Variants in FKBP14 observed in about 807,000 individuals in gnomAD.
The protein encoded by FKBP14 is peptidyl-prolyl cis-trans isomerase FKBP14.
A neutral mutation model predicts 21.6 loss-of-function variants in FKBP14; 20 were observed. The ratio of observed to expected loss-of-function variants is 0.92; its 90% confidence interval spans 0.65 to 1.34. The LOEUF (loss-of-function observed/expected upper bound fraction) is 1.34, where lower values mean the gene tolerates loss of function less well. Ranked by LOEUF, FKBP14 falls within the 40% of genes most tolerant of loss-of-function variation. The pLI, the probability that FKBP14 is intolerant of heterozygous loss-of-function variation, is 0.00. For synonymous variants in FKBP14, 79 were observed against 86.7 expected (o/e 0.91, Z 0.49); for missense variants, 253 against 249.0 (o/e 1.02, Z -0.11).
intron 3 of FKBP14, among the ~76,000 whole-genome samples, chr7:30,015,904 C>T (rs541054511): frequency 4.6e-5 from 7 of 152,080 alleles, no homozygotes; most frequent in Non-Finnish European, 8.8e-5. Context: ...GGATTACAGG[C>T]GTGAGCCACC....
rs745601975 is a variant in FKBP14 at position 30,026,332 on chromosome 7, G to C, written c.177C>G (p.Asp59Glu). Residue 59 changes from aspartate (D) to glutamate (E), a missense_variant, in exon 1 of 4, where the codon GAC (aspartate) becomes GAG (glutamate). By Grantham distance (45) the Asp-to-Glu change is conservative (BLOSUM62 2). Coordinates refer to ENST00000222803, the MANE Select transcript of FKBP14 (RefSeq NM_017946.4). ...LVHYEGYLEK[D>E]GSLFHSTHKH... ...CTTACGTGGAGTGAAATAAGGAGCC[G>C]TCCTTTTCTAAGTAGCCTTCATAGT... 6.2e-7 allele frequency: 1 copy of C among 1,610,932 alleles called. No homozygotes were observed. Among genetic ancestry groups the C allele is most frequent in the Non-Finnish European group, 8.5e-7 (1 of 1,178,328 alleles).
At chr7:30,022,622 C>A in intron 2 of FKBP14, 43 bp downstream of exon 2, 1 of 1,559,728 alleles carries the variant, frequency 6.4e-7, no homozygotes, top group Non-Finnish European at 8.6e-7. Flanking sequence ...ATCCAGAGAA[C>A]AACTCTAGTG....
intron 3 of FKBP14, among the ~76,000 whole-genome samples, chr7:30,017,176 C>CAAA (rs773478588): frequency 7.2e-5 from 8 of 111,392 alleles, no homozygotes; most frequent in Middle Eastern, 4.5e-3. Context: ...CTCATCTCTA[C>CAAA]AAAAAAAAAA....
At chr7:30,016,456 C>G (rs185845610) in intron 3 of FKBP14, among the ~76,000 whole-genome samples, 1 of 151,854 alleles carries the variant, frequency 6.6e-6, no homozygotes, top group Non-Finnish European at 1.5e-5. Flanking sequence ...TATAGTGGCA[C>G]GATCTCGGCC....
At chr7:30,020,359 T>G (rs1464851733) in intron 2 of FKBP14, 1 of 927,240 alleles carries the variant, frequency 1.1e-6, no homozygotes, top group Non-Finnish European at 1.5e-6. Context: ...GGCATTCAGT[T>G]TGAAGGAAAT....
At position 30,011,332 on chromosome 7, in the gene FKBP14, TG is replaced by T. The variant is rs1789719910; in HGVS notation, c.*3402del. 1 of 151,764 alleles carries T rather than the reference TG, an allele frequency of 6.6e-6. No homozygotes were observed. Among genetic ancestry groups the T allele is most frequent in the African/African-American group, 2.4e-5 (1 of 41,360 alleles). The allele number at this position is 151,764 out of a possible 1,614,324, so 9.4% of individuals were successfully genotyped here. Reference sequence around the variant, plus strand: ...CTGGGATTATAGGCATAAGGCACCATGCCCAACCAGAAGAAAAACATTTTTT... The same window carrying T: ...CTGGGATTATAGGCATAAGGCACCATCCCAACCAGAAGAAAAACATTTTTT... On this transcript the variant is annotated 3_prime_UTR_variant, in exon 4 of 4. Coordinates refer to ENST00000222803, the MANE Select transcript of FKBP14 (RefSeq NM_017946.4).
chr7:30,011,267 A>G lies in FKBP14; in HGVS notation c.*3468T>C, dbSNP rs887903074. The G allele has an allele frequency of 1.3e-5, 2 of 151,528 alleles. No individual in the cohort carries two copies. The highest frequency in any genetic ancestry group is 2.4e-5 in the African/African-American group (1 of 41,230). The allele number at this position is 151,528 out of a possible 1,614,324, so 9.4% of individuals were successfully genotyped here. On this transcript the variant is annotated 3_prime_UTR_variant, in exon 4 of 4. Transcript: ENST00000222803. Reference sequence around the variant, plus strand: ...TGTTGGCCCGGCTGGTCCCAAACTCATGACCTCGAGTGATCCACCCACCTT... The same window carrying G: ...TGTTGGCCCGGCTGGTCCCAAACTCGTGACCTCGAGTGATCCACCCACCTT...
At chr7:30,007,251 C>T (rs1379246542), downstream of FKBP14, among the ~76,000 whole-genome samples, 1 of 150,442 alleles carries the variant, frequency 6.6e-6, no homozygotes, top group Non-Finnish European at 1.5e-5. Flanking sequence ...CGCTCTGTCA[C>T]CAGGCTGGAG....
At chr7:30,023,973 T>C (rs1790105436) in intron 1 of FKBP14, among the ~76,000 whole-genome samples, 1 of 152,144 alleles carries the variant, frequency 6.6e-6, no homozygotes, top group Admixed American at 6.5e-5. Flanking sequence ...GGAAATAGAA[T>C]GTCCTGGCTC....
rs1789803539 is a variant in FKBP14, at chr7:30,013,646, T to C, written c.*1089A>G. On this transcript the variant is annotated 3_prime_UTR_variant, in exon 4 of 4. Coordinates refer to ENST00000222803, the MANE Select transcript of FKBP14 (RefSeq NM_017946.4). ...TATTGTAGTATAATATACTATAGAC[T>C]ACCCATTAAAGAACCAGGAAGGATA... 1 of 152,210 alleles carries C rather than the reference T, an allele frequency of 6.6e-6. No individual in the cohort carries two copies. Among genetic ancestry groups the C allele is most frequent in the Non-Finnish European group, 1.5e-5 (1 of 68,044 alleles). 9.4% of individuals were successfully genotyped at this position (152,210 alleles called of 1,614,324 possible). A position where few individuals can be genotyped will look rare whatever the true frequency, so the allele number is the denominator to read the frequency against.
At chr7:30,023,543 C>T (rs1208152592) in intron 1 of FKBP14, among the ~76,000 whole-genome samples, 1 of 152,186 alleles carries the variant, frequency 6.6e-6, no homozygotes, top group African/African-American at 2.4e-5. Flanking sequence ...TACAGTGGGG[C>T]TATATAGGAA....
downstream of FKBP14, among the ~76,000 whole-genome samples, chr7:30,008,857 C>T (rs1043053930): frequency 1.3e-5 from 2 of 151,582 alleles, no homozygotes; most frequent in African/African-American, 4.8e-5. Flanking sequence ...GCGCCTGTAG[C>T]CCCAGGCTGA....
chr7:30,019,696 A>G (rs1456179845), intron 2 of FKBP14, among the ~76,000 whole-genome samples: 1 of 152,112 alleles, frequency 6.6e-6, no homozygotes, highest in African/African-American at 2.4e-5. Context: ...CAGATAATAA[A>G]TTTCCTCCTC....
At chr7:30,018,778 T>G (rs905074149) in intron 3 of FKBP14, among the ~76,000 whole-genome samples, 3 of 152,252 alleles carry the variant, frequency 2.0e-5, no homozygotes, top group Non-Finnish European at 4.4e-5. Flanking sequence ...TTTTTAAGTC[T>G]TAATATATTT....
At chr7:30,021,290 A>G (rs1305967156) in intron 2 of FKBP14, among the ~76,000 whole-genome samples, 1 of 152,140 alleles carries the variant, frequency 6.6e-6, no homozygotes, top group Non-Finnish European at 1.5e-5. Context: ...TATATACTAT[A>G]GGTTTATTTT....
downstream of FKBP14, among the ~76,000 whole-genome samples, chr7:30,007,222 T>C (rs1789633275): frequency 6.6e-6 from 1 of 151,604 alleles, no homozygotes; most frequent in Non-Finnish European, 1.5e-5. Flanking sequence ...TTTTTTTTTT[T>C]TTTTTTTAGA....
At chr7:30,023,956 G>T (rs1346617043) in intron 1 of FKBP14, among the ~76,000 whole-genome samples, 1 of 152,112 alleles carries the variant, frequency 6.6e-6, no homozygotes, top group Non-Finnish European at 1.5e-5. Context: ...TATCAACTGG[G>T]GACGAGGGAA....
At chr7:30,019,918 G>T (rs1049433202) in intron 2 of FKBP14, among the ~76,000 whole-genome samples, 1 of 152,036 alleles carries the variant, frequency 6.6e-6, no homozygotes, top group Non-Finnish European at 1.5e-5. Context: ...TTTCATGGGA[G>T]GGGAGAAATT....
intron 2 of FKBP14, 39 bp downstream of exon 2, chr7:30,022,626 T>C (rs1445032158): frequency 6.3e-7 from 1 of 1,583,336 alleles, no homozygotes; most frequent in South Asian, 1.2e-5. Flanking sequence ...AGAGAACAAC[T>C]CTAGTGCTAT....
Sources: allele counts gnomAD v4.1 joint callset (sites outside exome capture counted in the v4.1 genomes callset), GRCh38; gene constraint gnomAD v4.1.1; transcripts MANE v1.5; gene names NCBI Gene and HGNC (gene_info 2026-07-23, HGNC 2026-07-21).